SHISA9: variants seen among roughly 807,000 people sequenced by gnomAD.
The protein encoded by SHISA9 is shisa family member 9.
Under a neutral mutation model 38.0 loss-of-function variants are expected in SHISA9, and 13 were observed. That is an observed-to-expected ratio of 0.34 (90% CI 0.22 to 0.54). SHISA9 has a LOEUF of 0.54. SHISA9 is among the 20% of genes least tolerant of loss of function. SHISA9 has a pLI of 0.91. For missense variants in SHISA9, 538 were observed against 575.8 expected (o/e 0.93, Z 0.67); for synonymous variants, 275 against 242.0 (o/e 1.14, Z -1.27).
intron 2 of SHISA9, among the ~76,000 whole-genome samples, chr16:13,019,788 C>CTTTCTTTTCT (rs1567183809): frequency 7.6e-6 from 1 of 131,628 alleles, no homozygotes; most frequent in African/African-American, 2.9e-5. Context: ...TTCTTTCTTT[C>CTTTCTTTTCT]TTTCTTTCTT....
intron 2 of SHISA9, among the ~76,000 whole-genome samples, chr16:13,139,892 T>C (rs1425020486): frequency 6.6e-6 from 1 of 152,164 alleles, no homozygotes; most frequent in Non-Finnish European, 1.5e-5. Context: ...AGCTACTGGC[T>C]CTGACTCAGT....
chr16:13,206,248 T>G (rs2142058464), intron 3 of SHISA9, among the ~76,000 whole-genome samples: 1 of 152,256 alleles, frequency 6.6e-6, no homozygotes, highest in Non-Finnish European at 1.5e-5. Context: ...TCTCACATAG[T>G]TTTGGTTCCC....
chr16:13,295,252 A>T, the SHISA9 span, among the ~76,000 whole-genome samples: 39 of 152,314 alleles, frequency 2.6e-4, no homozygotes, highest in African/African-American at 8.9e-4. Context: ...ACAAAGGAAA[A>T]TATATCTGGG....
intron 2 of SHISA9, among the ~76,000 whole-genome samples, chr16:12,959,672 T>C (rs1439460923): frequency 6.6e-6 from 1 of 152,244 alleles, no homozygotes; most frequent in African/African-American, 2.4e-5. Flanking sequence ...TCAGCTCCAT[T>C]GTGTAGAAGG....
intron 2 of SHISA9, among the ~76,000 whole-genome samples, chr16:12,990,255 T>C (rs2072367527): frequency 6.6e-6 from 1 of 152,224 alleles, no homozygotes. Flanking sequence ...CATGTGCATC[T>C]ATCTTTATAA....
At chr16:12,938,420 T>C (rs1050326421) in intron 2 of SHISA9, among the ~76,000 whole-genome samples, 3 of 152,214 alleles carry the variant, frequency 2.0e-5, no homozygotes, top group Admixed American at 6.5e-5. Flanking sequence ...CATGACTCTT[T>C]CTTAGTGATG....
the SHISA9 span, among the ~76,000 whole-genome samples, chr16:13,303,685 C>T: frequency 6.6e-6 from 1 of 152,182 alleles, no homozygotes; most frequent in African/African-American, 2.4e-5. Flanking sequence ...GGTGGCTGTA[C>T]AGCATTGTAA....
chr16:13,348,701 C>T, the SHISA9 span, among the ~76,000 whole-genome samples: 3 of 151,906 alleles, frequency 2.0e-5, no homozygotes, highest in African/African-American at 7.2e-5. Context: ...TCATTGTGAT[C>T]AGCTCTAGTC....
At chr16:13,056,489 C>T (rs146353232) in intron 2 of SHISA9, among the ~76,000 whole-genome samples, 106 of 152,236 alleles carry the variant, frequency 7.0e-4, no homozygotes, top group Admixed American at 1.4e-3. Flanking sequence ...GACATGTAGA[C>T]CAGTGTTAGG....
the SHISA9 span, among the ~76,000 whole-genome samples, chr16:13,388,582 C>A: frequency 1.3e-5 from 2 of 152,132 alleles, no homozygotes; most frequent in African/African-American, 4.8e-5. Context: ...GGATTACAGA[C>A]ATGAGCCACT....
the SHISA9 span, among the ~76,000 whole-genome samples, chr16:13,473,197 A>G: frequency 6.6e-6 from 1 of 152,198 alleles, no homozygotes; most frequent in African/African-American, 2.4e-5. Context: ...GTTAGGCAGG[A>G]CTAGAACAGT....
chr16:13,351,337 C>G, the SHISA9 span, among the ~76,000 whole-genome samples: 2 of 152,102 alleles, frequency 1.3e-5, no homozygotes, highest in Non-Finnish European at 2.9e-5. Flanking sequence ...AAACATACTC[C>G]TCCGTATAAC....
chr16:13,148,377 C>T (rs1033563585), intron 2 of SHISA9, among the ~76,000 whole-genome samples: 6 of 152,122 alleles, frequency 3.9e-5, no homozygotes, highest in East Asian at 3.9e-4. Context: ...ACACACCATG[C>T]GCAGTTTCCA....
intron 2 of SHISA9, among the ~76,000 whole-genome samples, chr16:13,150,122 C>G (rs1466548060): frequency 1.3e-5 from 2 of 150,822 alleles, no homozygotes; most frequent in East Asian, 3.9e-4. Flanking sequence ...TCTAAGGAGG[C>G]CCCATTCTTT....
chr16:13,511,111 G>A, the SHISA9 span, among the ~76,000 whole-genome samples: 1 of 152,152 alleles, frequency 6.6e-6, no homozygotes, highest in Non-Finnish European at 1.5e-5. Flanking sequence ...TAAATCAAGA[G>A]TAACTACTAA....
chr16:12,925,799 C>A (rs920233606), intron 2 of SHISA9, among the ~76,000 whole-genome samples: 1 of 152,174 alleles, frequency 6.6e-6, no homozygotes, highest in Non-Finnish European at 1.5e-5. Context: ...CCTACTATAG[C>A]ATTGATACTT....
chr16:13,535,780 A>G, the SHISA9 span, among the ~76,000 whole-genome samples: 4 of 152,308 alleles, frequency 2.6e-5, no homozygotes, highest in African/African-American at 9.6e-5. Context: ...GACACAAATC[A>G]TATCTTACAA....
chr16:13,488,742 T>C, the SHISA9 span, among the ~76,000 whole-genome samples: 1 of 152,282 alleles, frequency 6.6e-6, no homozygotes, highest in South Asian at 2.1e-4. Context: ...TGCATTCTTA[T>C]TTATTTATTT....
intron 2 of SHISA9, among the ~76,000 whole-genome samples, chr16:13,042,090 A>G (rs974155731): frequency 6.6e-6 from 1 of 152,146 alleles, no homozygotes; most frequent in African/African-American, 2.4e-5. Flanking sequence ...ACCAACAACT[A>G]TGGAGGCAGT....
Sources: allele counts gnomAD v4.1 joint callset (sites outside exome capture counted in the v4.1 genomes callset), GRCh38; gene constraint gnomAD v4.1.1; transcripts MANE v1.5; gene names NCBI Gene and HGNC (gene_info 2026-07-23, HGNC 2026-07-21).